EXOSC9: variants seen among roughly 807,000 people sequenced by gnomAD.
The protein encoded by EXOSC9 is exosome complex component RRP45.
A neutral mutation model predicts 56.5 loss-of-function variants in EXOSC9; 38 were observed. The ratio of observed to expected loss-of-function variants is 0.67; its 90% CI spans 0.52 to 0.88. The LOEUF is 0.88. Ranked by LOEUF, EXOSC9 falls within the 40% of genes least tolerant of loss-of-function variation. EXOSC9 has a pLI of 0.00. For synonymous variants in EXOSC9, 170 were observed against 170.8 expected, an observed-to-expected ratio of 0.99 and a Z score of 0.04; for missense variants, 559 against 530.5, an observed-to-expected ratio of 1.05 and a Z score of -0.53.
rs1325552891 is a variant in EXOSC9 at position 121,801,443 on chromosome 4, T to C, written c.19T>C (p.Ser7Pro). The C allele has an allele frequency of 6.2e-7, 1 of 1,614,174 alleles. No individual in the cohort carries two copies. The highest frequency in any genetic ancestry group is 1.1e-5 in the South Asian group (1 of 91,084). Residue 7 changes from serine to proline, a missense_variant, in exon 1 of 12, where the codon TCA (serine) becomes CCA (proline). Physicochemically the swap from Ser to Pro is moderately conservative, Grantham distance 74 (BLOSUM62 -1). Transcript: ENST00000243498. MKETPL[S>P]NCERRFLLRA... is the part of the protein sequence containing the mutation. ...CAACACCATGAAGGAAACGCCACTC[T>C]CAAACTGCGAACGCCGCTTCCTACT...
At chr4:121,803,334 T>G (rs892702880) in intron 4 of EXOSC9, among the ~76,000 whole-genome samples, 3 of 152,158 alleles carry the variant, frequency 2.0e-5, no homozygotes, top group African/African-American at 7.2e-5. Flanking sequence ...TGTGGCTTTT[T>G]CATATAATCT....
In EXOSC9 at chr4:121,813,880, T is replaced by A; in HGVS notation, c.989T>A (p.Val330Glu). ...EPPSEVVSTP[V>E]LWTPGTAQIG... ...AACTTGTTAAGTGTTTCTACACCTG[T>A]GCTATGGACTCCTGGAACTGCCCAA... The change falls in exon 10 of 12, where the codon GTG (valine) becomes GAG (glutamate). Residue 330 changes from valine to glutamate, a missense_variant. Physicochemically the swap from Val to Glu is moderately radical, Grantham distance 121. Transcript: ENST00000243498. 1 of 1,611,770 alleles carries A rather than the reference T, an allele frequency of 6.2e-7. No homozygotes were observed. The highest frequency in any genetic ancestry group is 1.1e-5 in the South Asian group (1 of 90,944).
chr4:121,804,525 C>G (rs953037422), intron 4 of EXOSC9, 97 bp from the exon 5 acceptor site: 2 of 795,038 alleles, frequency 2.5e-6, no homozygotes, highest in African/African-American at 1.7e-5. Flanking sequence ...GTTTTAACAG[C>G]AAGAAAAAAT....
At chr4:121,809,824 C>T in intron 6 of EXOSC9, 143 bp from the exon 7 acceptor site, 3 of 803,540 alleles carry the variant, frequency 3.7e-6, no homozygotes, top group South Asian at 3.2e-5. Flanking sequence ...TGTCTCTTTC[C>T]CCATTTCAGT....
intron 6 of EXOSC9, 46 bp downstream of exon 6, chr4:121,807,668 A>G: frequency 1.8e-6 from 2 of 1,117,124 alleles, no homozygotes; most frequent in Non-Finnish European, 2.8e-6. Context: ...TGCAGCTAGG[A>G]ATTTTATTGC....
intron 1 of EXOSC9, 120 bp from the exon 2 acceptor site, chr4:121,801,707 T>C (rs1726871539): frequency 6.8e-6 from 6 of 886,560 alleles, no homozygotes; most frequent in Non-Finnish European, 1.8e-6. Context: ...CTTTCCTGTA[T>C]GGGCGGGCTG....
chr4:121,815,899 C>T, intron 10 of EXOSC9: 7 of 1,182,728 alleles, frequency 5.9e-6, no homozygotes, highest in Non-Finnish European at 7.3e-6. Context: ...TTTAAAGAAA[C>T]AAATGTTACA....
chr4:121,806,158 T>G (rs1578499512), intron 5 of EXOSC9, among the ~76,000 whole-genome samples: 2 of 151,840 alleles, frequency 1.3e-5, no homozygotes. Context: ...TGTAATTTTT[T>G]TTTTTTCTTT....
At chr4:121,816,738 C>T in intron 11 of EXOSC9, 34 bp from the exon 12 acceptor site, 1 of 1,544,606 alleles carries the variant, frequency 6.5e-7, no homozygotes. Flanking sequence ...ACTTAACATA[C>T]TCTTAGTAAA....
chr4:121,811,063 C>T (rs1020930144), intron 7 of EXOSC9, among the ~76,000 whole-genome samples: 6 of 152,142 alleles, frequency 3.9e-5, no homozygotes, highest in African/African-American at 1.4e-4. Context: ...AATTCTAGTT[C>T]TGCCCCCATA....
chr4:121,814,080 ATT>A, intron 10 of EXOSC9, 33 bp downstream of exon 10: 3 of 1,153,270 alleles, frequency 2.6e-6, no homozygotes, highest in Non-Finnish European at 3.8e-6. Context: ...CTTACTATAT[ATT>A]ACATACATAT....
At chr4:121,804,177 T>A (rs1216987163) in intron 4 of EXOSC9, among the ~76,000 whole-genome samples, 6,164 of 64,628 alleles carry the variant, frequency 0.095, 404 homozygotes, top group African/African-American at 0.29. Context: ...ACTAAAAAAC[T>A]TTTTTTTTTT....
chr4:121,811,606 TG>T lies in EXOSC9; in HGVS notation c.764del (p.Gly255ValfsTer2). ...DQVLRCSKIA[G>X]VKVAEITELI... ...AGGTTCTGAGATGCAGTAAAATCGC[TG>T]GTGTGAAAGTAGCAGAAATTACAGA... On this transcript the variant is annotated frameshift_variant, in exon 8 of 12. Transcript: ENST00000243498. LOFTEE classifies it high-confidence loss of function. 6.3e-7 allele frequency: 1 copy of T among 1,589,430 alleles called. No homozygotes were observed. Among genetic ancestry groups the T allele is most frequent in the Non-Finnish European group, 8.6e-7 (1 of 1,167,924 alleles).
intron 8 of EXOSC9, among the ~76,000 whole-genome samples, chr4:121,812,306 T>C (rs893059814): frequency 3.9e-5 from 6 of 152,178 alleles, no homozygotes. Flanking sequence ...AAATGGTCTT[T>C]TAATATATTT....
intron 1 of EXOSC9, 82 bp downstream of exon 1, chr4:121,801,572 C>T: frequency 7.5e-7 from 1 of 1,338,250 alleles, no homozygotes. Context: ...CCCGCCTGGG[C>T]CCGGGGAGCT....
Position 121,802,536 on chromosome 4 carries a change from T to C in EXOSC9, c.162-138T>C, listed in dbSNP as rs1414313613. On this transcript the variant is annotated intron_variant, in intron 2 of 11. Transcript: ENST00000243498. The stretch of plus-strand genomic sequence containing the variant: ...ATTTCTGTGTATATTATACTTTACA[T>C]ATAATTTTTATCTCCTATGATTTAT... 2.7e-5 allele frequency: 20 copies of C among 735,118 alleles called. No individual in the cohort carries two copies. The South Asian group carries it at 4.0e-4, about 15-fold the overall frequency. 45.5% of individuals were successfully genotyped at this position (735,118 alleles called of 1,614,324 possible).
chr4:121,811,587 T>G lies in EXOSC9; in HGVS notation c.743T>G (p.Leu248Arg). Residue 248 changes from leucine (L) to arginine (R), a missense_variant, in exon 8 of 12, where the codon CTG (leucine) becomes CGG (arginine). Transcript: ENST00000243498. ...GGIMLLKDQV[L>R]RCSKIAGVKV... ...AGAATTCACTTTTATAAATAGGTTC[T>G]GAGATGCAGTAAAATCGCTGGTGTG... 1 of 1,570,680 alleles carries G rather than the reference T, an allele frequency of 6.4e-7. No individual in the cohort carries two copies. The highest frequency in any genetic ancestry group is 8.7e-7 in the Non-Finnish European group (1 of 1,153,018).
rs376905368 is a variant in EXOSC9, at chr4:121,810,642, A to G, written c.738+543A>G. Among the ~76,000 whole-genome samples the G allele has an allele frequency of 2.6e-5, 4 of 152,272 alleles. No homozygotes were observed. The South Asian group carries it at 8.3e-4, about 32-fold the overall frequency. Reference sequence around the variant, plus strand: ...GGTTGCAGTGAGCTGAGATCGTGCCATTGTTCTCCAGTCTGGGCAACAACA... The same window carrying G: ...GGTTGCAGTGAGCTGAGATCGTGCCGTTGTTCTCCAGTCTGGGCAACAACA... On this transcript the variant is annotated intron_variant, in intron 7 of 11. Coordinates refer to ENST00000243498, the MANE Select transcript of EXOSC9 (RefSeq NM_005033.3).
chr4:121,807,563 T>C lies in EXOSC9; in HGVS notation c.546T>C (p.Pro182=). 6.2e-7 allele frequency: 1 copy of C among 1,612,490 alleles called. No homozygotes were observed. ...VTLYTPEERD[P]VPLSIHHMPI... The stretch of plus-strand genomic sequence containing the variant: ...AGTATACACCTGAAGAGCGTGATCC[T>C]GTACCATTAAGTATCCACCACATGC... Residue 182 remains proline (P), a synonymous_variant, in exon 6 of 12, where the codon CCT becomes CCC. Coordinates refer to ENST00000243498, the MANE Select transcript of EXOSC9 (RefSeq NM_005033.3).
Sources: allele counts gnomAD v4.1 joint callset (sites outside exome capture counted in the v4.1 genomes callset), GRCh38; gene constraint gnomAD v4.1.1; transcripts MANE v1.5; gene names NCBI Gene and HGNC (gene_info 2026-07-23, HGNC 2026-07-21).